DAB1: variants seen among roughly 807,000 people sequenced by gnomAD.
DAB1 encodes the protein disabled homolog 1.
Under a neutral mutation model 64.6 loss-of-function variants are expected in DAB1, and 15 were observed. The ratio of observed to expected loss-of-function variants is 0.23; its 90% confidence interval spans 0.16 to 0.36. DAB1 has a LOEUF of 0.36. Ranked by LOEUF, DAB1 falls within the 10% of genes least tolerant of loss-of-function variation. The pLI is 1.00. For missense variants in DAB1, 596 were observed against 706.7 expected, an observed-to-expected ratio of 0.84 and a Z score of 1.78; for synonymous variants, 235 against 251.9, an observed-to-expected ratio of 0.93 and a Z score of 0.64.
chr1:57,610,873 C>G (rs1645717551), intron 7 of DAB1, among the ~76,000 whole-genome samples: 1 of 152,126 alleles, frequency 6.6e-6, no homozygotes, highest in Non-Finnish European at 1.5e-5. Context: ...CACAGCCAAA[C>G]CATATCAGTC....
chr1:57,428,036 C>T (rs941267001), upstream of DAB1, among the ~76,000 whole-genome samples: 1 of 152,044 alleles, frequency 6.6e-6, no homozygotes, highest in African/African-American at 2.4e-5. Context: ...GGCGTGGTGG[C>T]TCATGCCTGT....
intron 7 of DAB1, among the ~76,000 whole-genome samples, chr1:57,455,858 T>C (rs1686571660): frequency 6.6e-6 from 1 of 152,172 alleles, no homozygotes; most frequent in South Asian, 2.1e-4. Context: ...GACGATTTAA[T>C]ATATCTGTCA....
chr1:57,961,225 G>T (rs1207661487), intron 5 of DAB1, among the ~76,000 whole-genome samples: 3 of 152,056 alleles, frequency 2.0e-5, no homozygotes, highest in African/African-American at 7.2e-5. Flanking sequence ...AATAATATAC[G>T]CATGTGTATA....
chr1:57,604,068 C>A (rs776947300), intron 7 of DAB1, among the ~76,000 whole-genome samples: 1 of 152,204 alleles, frequency 6.6e-6, no homozygotes, highest in African/African-American at 2.4e-5. Flanking sequence ...AGAAGCCATG[C>A]GCTGCTGCTT....
chr1:58,141,602 A>C (rs74389895), intron 5 of DAB1, among the ~76,000 whole-genome samples: 1,647 of 152,314 alleles, frequency 0.011, 32 homozygotes, highest in African/African-American at 0.038. Flanking sequence ...CAAGCCATTC[A>C]TGAGGGATCT....
In DAB1 at chr1:57,145,347, A is replaced by G; in HGVS notation, c.150T>C (p.Asp50=). 1.9e-6 allele frequency: 3 copies of G among 1,614,130 alleles called. No homozygotes were observed. Among genetic ancestry groups the G allele is most frequent in the South Asian group, 2.2e-5 (2 of 91,090 alleles). Residue 50 remains aspartate, a synonymous_variant, in exon 3 of 15, where the codon GAT becomes GAC. Transcript: ENST00000371236. ...VRYKAKLIGI[D]EVSAARGDKL... ...TGTCTCCCCGAGCTGCGGAAACTTC[A>G]TCAATCCCGATCAATTTGGCTTTGT... is the stretch of plus-strand genomic sequence containing the variant.
intron 3 of DAB1, among the ~76,000 whole-genome samples, chr1:58,467,442 TA>T (rs1645308037): frequency 6.6e-6 from 1 of 152,240 alleles, no homozygotes; most frequent in Non-Finnish European, 1.5e-5. Context: ...TCCTGATTAT[TA>T]AAAACATAAT....
chr1:57,033,597 T>G (rs781193165), intron 9 of DAB1: 1 of 1,605,032 alleles, frequency 6.2e-7, no homozygotes, highest in South Asian at 1.1e-5. Context: ...GGATGATGAA[T>G]GAGGATGAAG....
chr1:57,300,031 T>A (rs1276263178), intron 1 of DAB1, among the ~76,000 whole-genome samples: 1 of 152,130 alleles, frequency 6.6e-6, no homozygotes, highest in Admixed American at 6.6e-5. Context: ...CGTGTCTGTC[T>A]CCCCGGCAGG....
At chr1:58,034,221 C>T in intron 5 of DAB1, among the ~76,000 whole-genome samples, 1 of 152,214 alleles carries the variant, frequency 6.6e-6, no homozygotes, top group Middle Eastern at 3.2e-3. Flanking sequence ...TTGAACTGCT[C>T]CTACGAAGAG....
At chr1:57,745,226 C>T (rs982817283) in intron 6 of DAB1, among the ~76,000 whole-genome samples, 8 of 152,030 alleles carry the variant, frequency 5.3e-5, no homozygotes, top group African/African-American at 1.4e-4. Flanking sequence ...TAAAGTGTGG[C>T]GTTGGTGCTC....
rs182394057 is a variant in DAB1 at position 57,577,606 on chromosome 1, A to G, written n.625+71986T>C. The stretch of plus-strand genomic sequence containing the variant: ...GGTTGTAACACTTTCCTAAGGCCAC[A>G]TGTGTGGGTGGCGAGAACCAACTGA... On this transcript the variant is annotated intron_variant and non_coding_transcript_variant, in intron 7 of 20. Transcript: ENST00000485760. Among the ~76,000 whole-genome samples the G allele has an allele frequency of 7.2e-5, 11 of 152,296 alleles. No individual in the cohort carries two copies. In the East Asian group the frequency reaches 2.1e-3, roughly 29 times the overall value.
chr1:57,524,820 G>T (rs1644571985), intron 7 of DAB1, among the ~76,000 whole-genome samples: 1 of 152,116 alleles, frequency 6.6e-6, no homozygotes, highest in South Asian at 2.1e-4. Flanking sequence ...AGTCACAGGG[G>T]ATGCCACGGC....
At chr1:57,164,382 T>C (rs1265606122) in intron 2 of DAB1, among the ~76,000 whole-genome samples, 2 of 152,128 alleles carry the variant, frequency 1.3e-5, no homozygotes, top group Non-Finnish European at 1.5e-5. Context: ...GTCTCATTCA[T>C]CAAGAGTAGA....
chr1:58,249,069 G>A (rs915268766), intron 4 of DAB1, among the ~76,000 whole-genome samples: 1 of 151,982 alleles, frequency 6.6e-6, no homozygotes, highest in Non-Finnish European at 1.5e-5. Context: ...GAAAGGAGGG[G>A]GCTTGGAAAG....
At chr1:57,462,142 T>G (rs1187613929) in intron 7 of DAB1, among the ~76,000 whole-genome samples, 3 of 151,680 alleles carry the variant, frequency 2.0e-5, no homozygotes, top group African/African-American at 7.3e-5. Context: ...AGAGACAGGG[T>G]TTCACCATGC....
chr1:57,401,636 G>C (rs1683252519), intron 1 of DAB1, among the ~76,000 whole-genome samples: 1 of 152,156 alleles, frequency 6.6e-6, no homozygotes, highest in Non-Finnish European at 1.5e-5. Context: ...AGTGAGCAGG[G>C]ATCTTAGTGA....
At chr1:57,827,485 G>C (rs780096801) in intron 1 of DAB1, among the ~76,000 whole-genome samples, 7 of 152,230 alleles carry the variant, frequency 4.6e-5, no homozygotes, top group Non-Finnish European at 1.0e-4. Flanking sequence ...CAATATTCAA[G>C]ATGAGAATAA....
chr1:58,160,572 C>A (rs1023572690), intron 4 of DAB1, among the ~76,000 whole-genome samples: 3 of 152,122 alleles, frequency 2.0e-5, no homozygotes, highest in African/African-American at 4.8e-5. Flanking sequence ...CTGGGCCTCA[C>A]CAGAACAAGT....
Sources: gnomAD v4.1 joint callset for allele counts (sites outside exome capture counted in the v4.1 genomes callset) on GRCh38, gnomAD v4.1.1 for gene constraint, MANE v1.5 for transcripts, NCBI Gene and HGNC (gene_info 2026-07-23, HGNC 2026-07-21) for gene names.